KRTAP2-3: variants seen among roughly 807,000 people sequenced by gnomAD.
The protein encoded by KRTAP2-3 is keratin associated protein 2-3, also known as keratin-associated protein 2-3.
In KRTAP2-3, 9 loss-of-function variants were observed where a neutral mutation model predicts 11.2. The observed-to-expected ratio is 0.80, with a 90% CI of 0.48 to 1.40. The LOEUF (loss-of-function observed/expected upper bound fraction) is 1.40. Ranked by LOEUF, KRTAP2-3 falls within the 40% of genes most tolerant of loss-of-function variation. The pLI is 0.00. For synonymous variants in KRTAP2-3, 45 were observed against 76.2 expected (o/e 0.59, Z 2.13); for missense variants, 93 against 176.8 (o/e 0.53, Z 2.69).
Position 41,059,584 on chromosome 17 carries a change from G to A in KRTAP2-3, c.*80C>T. The A allele has an allele frequency of 2.0e-6, 3 of 1,508,518 alleles. No individual in the cohort carries two copies. Among genetic ancestry groups the A allele is most frequent in the Non-Finnish European group, 2.7e-6 (3 of 1,122,118 alleles). 93.4% of individuals were successfully genotyped at this position (1,508,518 alleles called of 1,614,324 possible). A position where few individuals can be genotyped will look rare whatever the true frequency, so the allele number is the denominator to read the frequency against. On this transcript the variant is annotated 3_prime_UTR_variant, in exon 1 of 1. Coordinates refer to ENST00000391418, the MANE Select transcript of KRTAP2-3 (RefSeq NM_001165252.2). ...GCTGCAAAGGTGGAGTCTCTCATCT[G>A]ATCCAGAAGGGGTAGAAGAGTCTGC... is the stretch of plus-strand genomic sequence containing the variant.
rs1050252444 is a variant in KRTAP2-3 at position 41,059,893 on chromosome 17, G to A, written c.158C>T (p.Pro53Leu). 3 of 1,508,050 alleles carry A rather than the reference G, an allele frequency of 2.0e-6. No homozygotes were observed. In the East Asian group the frequency reaches 7.4e-5, roughly 37 times the overall value. 93.4% of individuals were successfully genotyped at this position (1,508,050 alleles called of 1,614,324 possible). ...CGGGCGGCGGCAGGGCTCGCAGATG[G>A]GGCGCGTGCAGCGGGGCACGCAGGT... ...PVTCVPRCTR[P>L]ICEPCRRPVC... The change falls in exon 1 of 1, where the codon CCC becomes CTC. Residue 53 changes from proline (P) to leucine (L), a missense_variant. Physicochemically the swap from Pro to Leu is moderately conservative, Grantham distance 98. Transcript: ENST00000391418.
Position 41,059,678 on chromosome 17 carries a change from T to A in KRTAP2-3, c.373A>T (p.Thr125Ser), listed in dbSNP as rs2013143913. The change falls in exon 1 of 1, where the codon ACC (threonine) becomes TCC (serine). Residue 125 changes from threonine to serine, a missense_variant. By Grantham distance (58) the Thr-to-Ser change is moderately conservative. Transcript: ENST00000391418. ...GAGGTGGGGTCTCAGCAGGAGGAGG[T>A]CCTGCAGGTGGTGCTGCAAGGGGTC... ...QPTPCSTTCR[T>S]SSC 1 of 1,555,932 alleles carries A rather than the reference T, an allele frequency of 6.4e-7. No individual in the cohort carries two copies. Among genetic ancestry groups the A allele is most frequent in the Non-Finnish European group, 8.7e-7 (1 of 1,149,286 alleles).
At position 41,059,301 on chromosome 17, in the gene KRTAP2-3, A is replaced by T. The variant is rs2013135250; in HGVS notation, c.*363T>A. 1 of 283,152 alleles carries T rather than the reference A, an allele frequency of 3.5e-6. No homozygotes were observed. The highest frequency in any genetic ancestry group is 6.4e-6 in the Non-Finnish European group (1 of 157,396). The allele number at this position is 283,152 out of a possible 1,614,324, so 17.5% of individuals were successfully genotyped here. A position where few individuals can be genotyped will look rare whatever the true frequency, so the allele number is the denominator to read the frequency against. On this transcript the variant is annotated 3_prime_UTR_variant, in exon 1 of 1. Coordinates refer to ENST00000391418, the MANE Select transcript of KRTAP2-3 (RefSeq NM_001165252.2). ...CAGTGCAAAAATACAGCATACAAAT[A>T]GTATTATCCTGGAAGAAAAAAATCT...
Position 41,059,432 on chromosome 17 carries a change from C to T in KRTAP2-3, c.*232G>A. On this transcript the variant is annotated 3_prime_UTR_variant, in exon 1 of 1. Transcript: ENST00000391418. Reference sequence around the variant, plus strand: ...TATTTACTCGTTTTTTTTTTCAAGCCAGGAATTCGAATGATGAAAGCTGGA... The same window carrying T: ...TATTTACTCGTTTTTTTTTTCAAGCTAGGAATTCGAATGATGAAAGCTGGA... 2.7e-6 allele frequency: 2 copies of T among 739,132 alleles called. No homozygotes were observed. The highest frequency in any genetic ancestry group is 2.8e-5 in the South Asian group (1 of 35,430). The allele number at this position is 739,132 out of a possible 1,614,324, so 45.8% of individuals were successfully genotyped here. A position where few individuals can be genotyped will look rare whatever the true frequency, so the allele number is the denominator to read the frequency against.
Position 41,059,348 on chromosome 17 carries a change from T to C in KRTAP2-3, c.*316A>G, listed in dbSNP as rs533356247. On this transcript the variant is annotated 3_prime_UTR_variant, in exon 1 of 1. Transcript: ENST00000391418. ...ATCTCATCTGAGAACCTTGAAACAG[T>C]AGAAAAAAGGGTGATGAGTCAGTGG... is the stretch of plus-strand genomic sequence containing the variant. The C allele has an allele frequency of 2.1e-5, 9 of 425,700 alleles. No individual in the cohort carries two copies. The South Asian group carries it at 5.5e-4, about 26-fold the overall frequency. 26.4% of individuals were successfully genotyped at this position (425,700 alleles called of 1,614,324 possible). A position where few individuals can be genotyped will look rare whatever the true frequency, so the allele number is the denominator to read the frequency against.
At position 41,059,437 on chromosome 17, in the gene KRTAP2-3, A is replaced by C; in HGVS notation, c.*227T>G. The stretch of plus-strand genomic sequence containing the variant: ...ACTCGTTTTTTTTTTCAAGCCAGGA[A>C]TTCGAATGATGAAAGCTGGAATTTT... On this transcript the variant is annotated 3_prime_UTR_variant, in exon 1 of 1. Transcript: ENST00000391418. 9.2e-6 allele frequency: 7 copies of C among 759,990 alleles called. No individual in the cohort carries two copies. Among genetic ancestry groups the C allele is most frequent in the East Asian group, 2.9e-5 (1 of 34,304 alleles). The allele number at this position is 759,990 out of a possible 1,614,324, so 47.1% of individuals were successfully genotyped here.
Position 41,059,829 on chromosome 17 carries a change from G to T in KRTAP2-3, c.222C>A (p.Cys74Ter), listed in dbSNP as rs780110816. ...CDPCSLQEGC[C>*]RPITCCPSSC... ...ACGAGGGGCAGCAGGTGATGGGGCGGCAGCAGCCTTCCTGCAGGGAGCAGG... is the reference window on the plus strand; with the variant it reads ...ACGAGGGGCAGCAGGTGATGGGGCGTCAGCAGCCTTCCTGCAGGGAGCAGG... Residue 74 changes from cysteine to a stop codon, truncating the protein, a stop_gained, in exon 1 of 1, where the codon TGC becomes TGA. Transcript: ENST00000391418. LOFTEE classifies it high-confidence loss of function. 5.2e-6 allele frequency: 8 copies of T among 1,533,726 alleles called. No individual in the cohort carries two copies. In the East Asian group the frequency reaches 1.7e-4, roughly 33 times the overall value.
chr17:41,060,072 G>A lies in KRTAP2-3; in HGVS notation c.-22C>T, dbSNP rs1211411087. 6.5e-7 allele frequency: 1 copy of A among 1,545,218 alleles called. No homozygotes were observed. The highest frequency in any genetic ancestry group is 1.4e-5 in the African/African-American group (1 of 72,868). The stretch of plus-strand genomic sequence containing the variant: ...TCATGGTGGTGTCTGAGGCTGGTGT[G>A]GGTTGGGCTGTTGAGAGGAGCTGGA... On this transcript the variant is annotated 5_prime_UTR_variant, in exon 1 of 1. Coordinates refer to ENST00000391418, the MANE Select transcript of KRTAP2-3 (RefSeq NM_001165252.2).
In KRTAP2-3 at chr17:41,060,024, G is replaced by C. The variant is rs1255559019; in HGVS notation, c.27C>G (p.Thr9=). 6 of 1,535,776 alleles carry C rather than the reference G, an allele frequency of 3.9e-6. No individual in the cohort carries two copies. Among genetic ancestry groups the C allele is most frequent in the Non-Finnish European group, 5.2e-6 (6 of 1,144,662 alleles). The change falls in exon 1 of 1, where the codon ACC becomes ACG. Residue 9 remains threonine (T), a synonymous_variant. Coordinates refer to ENST00000391418, the MANE Select transcript of KRTAP2-3 (RefSeq NM_001165252.2). MTGSCCGS[T]LSSLSYGGGC... ...CTCCCCCGTAGCTCAGGGAGGACAA[G>C]GTGGAGCCGCAGCAGGAGCCGGTCA...
At position 41,059,722 on chromosome 17, in the gene KRTAP2-3, C is replaced by T. The variant is rs772866341; in HGVS notation, c.329G>A (p.Arg110Gln). 3.9e-6 allele frequency: 6 copies of T among 1,556,326 alleles called. 1 individual carries two copies. The South Asian group carries it at 7.1e-5, about 18-fold the overall frequency. Residue 110 changes from arginine to glutamine, a missense_variant, in exon 1 of 1, where the codon CGG (arginine) becomes CAG (glutamine). Arg to Gln is a conservative substitution (Grantham distance 43). Coordinates refer to ENST00000391418, the MANE Select transcript of KRTAP2-3 (RefSeq NM_001165252.2). The part of the protein sequence containing the change: ...QPVSVQSPCC[R>Q]PPCGQPTPCS... The stretch of plus-strand genomic sequence containing the variant: ...AGGGGTCGGCTGGCCGCAGGGAGGC[C>T]GGCAGCAGGGGGACTGCACAGACAC...
chr17:41,059,716 G>A lies in KRTAP2-3; in HGVS notation c.335C>T (p.Pro112Leu). 2 of 1,557,688 alleles carry A rather than the reference G, an allele frequency of 1.3e-6. No homozygotes were observed. The highest frequency in any genetic ancestry group is 1.2e-5 in the South Asian group (1 of 84,502). The stretch of plus-strand genomic sequence containing the variant: ...GCTGCAAGGGGTCGGCTGGCCGCAG[G>A]GAGGCCGGCAGCAGGGGGACTGCAC... Reference protein sequence around the residue: ...VSVQSPCCRPPCGQPTPCSTT... With the variant: ...VSVQSPCCRPLCGQPTPCSTT... Residue 112 changes from proline (P) to leucine (L), a missense_variant, in exon 1 of 1, where the codon CCC becomes CTC. By Grantham distance (98) the Pro-to-Leu change is moderately conservative (BLOSUM62 -3). Transcript: ENST00000391418.
chr17:41,059,927 G>A lies in KRTAP2-3; in HGVS notation c.124C>T (p.Arg42Cys), dbSNP rs2013151319. Residue 42 changes from arginine to cysteine, a missense_variant, in exon 1 of 1, where the codon CGC becomes TGC. Physicochemically the swap from Arg to Cys is radical, Grantham distance 180. Coordinates refer to ENST00000391418, the MANE Select transcript of KRTAP2-3 (RefSeq NM_001165252.2). ...RPVTCQTTVC[R>C]PVTCVPRCTR... Reference sequence around the variant, plus strand: ...CAGCGGGGCACGCAGGTCACGGGGCGGCACACGGTGGTCTGGCAGGTCACG... The same window carrying A: ...CAGCGGGGCACGCAGGTCACGGGGCAGCACACGGTGGTCTGGCAGGTCACG... 1 of 1,510,178 alleles carries A rather than the reference G, an allele frequency of 6.6e-7. No homozygotes were observed. Among genetic ancestry groups the A allele is most frequent in the East Asian group, 2.5e-5 (1 of 40,690 alleles). The allele number at this position is 1,510,178 out of a possible 1,614,324, so 93.5% of individuals were successfully genotyped here.
rs750028515 is a variant in KRTAP2-3, at chr17:41,059,639, G to C, written c.*25C>G. ...GCTTCTGTGCACCTGGGAATGTTTC[G>C]TGCGTTGAGAGGAGAGGTGGGGTCT... On this transcript the variant is annotated 3_prime_UTR_variant, in exon 1 of 1. Coordinates refer to ENST00000391418, the MANE Select transcript of KRTAP2-3 (RefSeq NM_001165252.2). 10 of 1,549,370 alleles carry C rather than the reference G, an allele frequency of 6.5e-6. 1 individual carries two copies. Among genetic ancestry groups the C allele is most frequent in the Non-Finnish European group, 7.9e-6 (9 of 1,145,430 alleles).
rs769243840 is a variant in KRTAP2-3 at position 41,059,712 on chromosome 17, G to T, written c.339C>A (p.Cys113Ter). The change falls in exon 1 of 1, where the codon TGC (cysteine) becomes TGA (stop). Residue 113 changes from cysteine to a stop codon, truncating the protein, a stop_gained. Transcript: ENST00000391418. LOFTEE classifies it high-confidence loss of function. ...SVQSPCCRPP[C>*]GQPTPCSTTC... is the part of the protein sequence containing the mutation. ...TGGTGCTGCAAGGGGTCGGCTGGCC[G>T]CAGGGAGGCCGGCAGCAGGGGGACT... The T allele has an allele frequency of 1.7e-5, 26 of 1,558,042 alleles. 1 individual carries two copies. Among genetic ancestry groups the T allele is most frequent in the Non-Finnish European group, 5.2e-6 (6 of 1,150,798 alleles).
Position 41,059,582 on chromosome 17 carries a change from C to T in KRTAP2-3, c.*82G>A. The T allele has an allele frequency of 6.7e-7, 1 of 1,503,748 alleles. No individual in the cohort carries two copies. Among genetic ancestry groups the T allele is most frequent in the Non-Finnish European group, 8.9e-7 (1 of 1,119,742 alleles). 93.2% of individuals were successfully genotyped at this position (1,503,748 alleles called of 1,614,324 possible). A position where few individuals can be genotyped will look rare whatever the true frequency, so the allele number is the denominator to read the frequency against. On this transcript the variant is annotated 3_prime_UTR_variant, in exon 1 of 1. Coordinates refer to ENST00000391418, the MANE Select transcript of KRTAP2-3 (RefSeq NM_001165252.2). ...AGGCTGCAAAGGTGGAGTCTCTCAT[C>T]TGATCCAGAAGGGGTAGAAGAGTCT...
In KRTAP2-3 at chr17:41,060,105, A is replaced by C; in HGVS notation, c.-55T>G. ...CTGTTGAGAGGAGCTGGATGTTCTCAGGTGTGAATGTCCTCGTTCCACTCT... is the reference window on the plus strand; with the variant it reads ...CTGTTGAGAGGAGCTGGATGTTCTCCGGTGTGAATGTCCTCGTTCCACTCT... On this transcript the variant is annotated 5_prime_UTR_variant, in exon 1 of 1. Transcript: ENST00000391418. 2.6e-6 allele frequency: 4 copies of C among 1,542,096 alleles called. No individual in the cohort carries two copies. Among genetic ancestry groups the C allele is most frequent in the Non-Finnish European group, 3.5e-6 (4 of 1,143,638 alleles).
chr17:41,059,655 G>C lies in KRTAP2-3; in HGVS notation c.*9C>G, dbSNP rs2013143180. On this transcript the variant is annotated 3_prime_UTR_variant, in exon 1 of 1. Transcript: ENST00000391418. ...GAATGTTTCGTGCGTTGAGAGGAGA[G>C]GTGGGGTCTCAGCAGGAGGAGGTCC... 1 of 1,552,698 alleles carries C rather than the reference G, an allele frequency of 6.4e-7. No individual in the cohort carries two copies. The highest frequency in any genetic ancestry group is 8.7e-7 in the Non-Finnish European group (1 of 1,147,450).
At position 41,059,494 on chromosome 17, in the gene KRTAP2-3, C is replaced by A; in HGVS notation, c.*170G>T. 1 of 1,179,120 alleles carries A rather than the reference C, an allele frequency of 8.5e-7. No individual in the cohort carries two copies. Among genetic ancestry groups the A allele is most frequent in the South Asian group, 1.8e-5 (1 of 54,430 alleles). The allele number at this position is 1,179,120 out of a possible 1,614,324, so 73.0% of individuals were successfully genotyped here. On this transcript the variant is annotated 3_prime_UTR_variant, in exon 1 of 1. Coordinates refer to ENST00000391418, the MANE Select transcript of KRTAP2-3 (RefSeq NM_001165252.2). ...GATTGTCAGAGAGGGCCAGGATTAG[C>A]TGCATAATTATGTGGGGAAATAGAT... is the stretch of plus-strand genomic sequence containing the variant.
Position 41,059,520 on chromosome 17 carries a change from AG to A in KRTAP2-3, c.*143del. The A allele has an allele frequency of 7.6e-7, 1 of 1,315,472 alleles. No individual in the cohort carries two copies. The highest frequency in any genetic ancestry group is 1.6e-5 in the South Asian group (1 of 63,794). The allele number at this position is 1,315,472 out of a possible 1,614,324, so 81.5% of individuals were successfully genotyped here. On this transcript the variant is annotated 3_prime_UTR_variant, in exon 1 of 1. Coordinates refer to ENST00000391418, the MANE Select transcript of KRTAP2-3 (RefSeq NM_001165252.2). ...TGCATAATTATGTGGGGAAATAGAT[AG>A]GATGTTATTGTTGAATTCGTGCTTG...
Sources: gnomAD v4.1 joint callset for allele counts on GRCh38, gnomAD v4.1.1 for gene constraint, MANE v1.5 for transcripts, NCBI Gene and HGNC (gene_info 2026-07-23, HGNC 2026-07-21) for gene names.